The following OCA2 variants were observed in gnomAD, a reference collection of about 807,000 sequenced individuals.
OCA2 encodes the protein OCA2 melanosomal transmembrane protein, also known as P protein.
A neutral mutation model predicts 100.2 loss-of-function variants in OCA2; 77 were observed. The ratio of observed to expected loss-of-function variants is 0.77; its 90% CI spans 0.64 to 0.93. The LOEUF is 0.93. OCA2 is among the 40% of genes least tolerant of loss of function. The pLI is 0.00. For synonymous variants in OCA2, 432 were observed against 439.2 expected (o/e 0.98, Z 0.21); for missense variants, 1,062 against 1,089.1 (o/e 0.98, Z 0.35).
chr15:28,091,513 T>C (rs2044869410), intron 1 of OCA2, among the ~76,000 whole-genome samples: 1 of 152,180 alleles, frequency 6.6e-6, no homozygotes, highest in South Asian at 2.1e-4. Context: ...GGTTCAATGT[T>C]CAAAAATCAA....
chr15:27,781,249 G>A (rs1272574524), intron 23 of OCA2, among the ~76,000 whole-genome samples: 19 of 152,160 alleles, frequency 1.2e-4, no homozygotes, highest in Admixed American at 1.2e-3. Flanking sequence ...GTGTTGGAAG[G>A]CAGCTACCAA....
chr15:27,906,505 GA>G (rs1315121637), intron 19 of OCA2, among the ~76,000 whole-genome samples: 1 of 152,110 alleles, frequency 6.6e-6, no homozygotes, highest in Non-Finnish European at 1.5e-5. Flanking sequence ...CCCGGGCAAT[GA>G]AGGAATAATA....
chr15:27,978,767 C>A (rs143225910), intron 14 of OCA2, among the ~76,000 whole-genome samples: 243 of 151,834 alleles, frequency 1.6e-3, no homozygotes, highest in Middle Eastern at 0.01. Context: ...CTCACTGCAA[C>A]CTCCATCTTC....
chr15:27,901,977 C>T (rs973103712), intron 19 of OCA2, among the ~76,000 whole-genome samples: 10 of 151,728 alleles, frequency 6.6e-5, no homozygotes, highest in South Asian at 6.3e-4. Flanking sequence ...CAGAAGGGTC[C>T]TGGCAGGGGG....
At position 28,018,541 on chromosome 15, in the gene OCA2, G is replaced by T; in HGVS notation, c.663C>A (p.Ser221Arg). The change falls in exon 7 of 24, where the codon AGC becomes AGA. Residue 221 changes from serine to arginine, a missense_variant. Physicochemically the swap from Ser to Arg is moderately radical, Grantham distance 110. Transcript: ENST00000354638. ...CCTGCAGCAGCGTGGAGTCCACGTG[G>T]CTGCTAAGGTTCACGGCTCGGAGAG... is the stretch of plus-strand genomic sequence containing the variant. ...PLENYSVNLSSHVDSTLLQVD... is the reference protein window; with the variant it reads ...PLENYSVNLSRHVDSTLLQVD... 6.2e-7 allele frequency: 1 copy of T among 1,613,474 alleles called. No homozygotes were observed. Among genetic ancestry groups the T allele is most frequent in the South Asian group, 1.1e-5 (1 of 91,028 alleles).
intron 6 of OCA2, among the ~76,000 whole-genome samples, chr15:28,019,960 T>C (rs1041962376): frequency 6.6e-6 from 1 of 152,162 alleles, no homozygotes; most frequent in Admixed American, 6.5e-5. Context: ...AGGAGCCTGC[T>C]GGAGGCTCAA....
In OCA2 at chr15:27,983,421, T is replaced by C. The variant is rs763819379; in HGVS notation, c.1427A>G (p.Asn476Ser). 4 of 1,614,044 alleles carry C rather than the reference T, an allele frequency of 2.5e-6. No individual in the cohort carries two copies. The highest frequency in any genetic ancestry group is 3.4e-6 in the Non-Finnish European group (4 of 1,180,042). ...QVLIAEVIFT[N>S]IGGAATAIGD... is the part of the protein sequence containing the mutation. ...GATGGCAGTGGCAGCTCCTCCAATG[T>C]TTGTGAAGATCACTTCTGCAATCAG... The change falls in exon 14 of 24, where the codon AAC becomes AGC. Residue 476 changes from asparagine (N) to serine (S), a missense_variant. By Grantham distance (46) the Asn-to-Ser change is conservative (BLOSUM62 1). Coordinates refer to ENST00000354638, the MANE Select transcript of OCA2 (RefSeq NM_000275.3).
At position 27,983,591 on chromosome 15, in the gene OCA2, A is replaced by G. The variant is rs372940344; in HGVS notation, c.1365-108T>C. Reference sequence around the variant, plus strand: ...GCTTGCTCGTATAAGGGAGGCGCGCACACACACACACCCCTGTGGGGAAGG... The same window carrying G: ...GCTTGCTCGTATAAGGGAGGCGCGCGCACACACACACCCCTGTGGGGAAGG... On this transcript the variant is annotated intron_variant, in intron 13 of 23. Transcript: ENST00000354638. 7.7e-5 allele frequency: 80 copies of G among 1,034,290 alleles called. 1 individual carries two copies. The highest frequency in any genetic ancestry group is 6.1e-4 in the South Asian group (47 of 76,738). The allele number at this position is 1,034,290 out of a possible 1,614,324, so 64.1% of individuals were successfully genotyped here. A position where few individuals can be genotyped will look rare whatever the true frequency, so the allele number is the denominator to read the frequency against.
chr15:27,840,308 C>G (rs2035298244), intron 23 of OCA2, among the ~76,000 whole-genome samples: 2 of 152,158 alleles, frequency 1.3e-5, no homozygotes, highest in South Asian at 4.1e-4. Context: ...TAAAACAGAA[C>G]TAGATGAATC....
chr15:27,967,711 G>A (rs539922450), intron 14 of OCA2, among the ~76,000 whole-genome samples: 50 of 152,332 alleles, frequency 3.3e-4, no homozygotes, highest in Admixed American at 9.8e-4. Context: ...TCTCCTTCCC[G>A]GCACGCTTCC....
intron 2 of OCA2, among the ~76,000 whole-genome samples, chr15:28,042,842 T>G (rs915459269): frequency 6.6e-6 from 1 of 152,132 alleles, no homozygotes; most frequent in Non-Finnish European, 1.5e-5. Context: ...GAAAAGTTTT[T>G]TCACTTTCTC....
intron 2 of OCA2, among the ~76,000 whole-genome samples, chr15:28,046,644 G>A (rs1359570812): frequency 6.6e-6 from 1 of 152,178 alleles, no homozygotes; most frequent in African/African-American, 2.4e-5. Context: ...GGGAAAGGAG[G>A]GAAGGGGCAA....
intron 22 of OCA2, among the ~76,000 whole-genome samples, chr15:27,848,329 T>A (rs1308755392): frequency 6.6e-6 from 1 of 152,240 alleles, no homozygotes; most frequent in Non-Finnish European, 1.5e-5. Flanking sequence ...GTTGTGGGGT[T>A]CACATGAGAT....
At chr15:27,861,933 G>A (rs997701770) in intron 21 of OCA2, among the ~76,000 whole-genome samples, 12 of 152,160 alleles carry the variant, frequency 7.9e-5, no homozygotes, top group Non-Finnish European at 1.5e-4. Flanking sequence ...ACCGGTCTTC[G>A]TTGGGAGCCA....
intron 9 of OCA2, among the ~76,000 whole-genome samples, chr15:28,008,206 C>T (rs972214013): frequency 1.2e-4 from 19 of 152,342 alleles, no homozygotes; most frequent in Admixed American, 1.2e-3. Context: ...ACTTCCTCCC[C>T]ATCTCATTAG....
chr15:27,945,636 G>A (rs973172404), intron 18 of OCA2, among the ~76,000 whole-genome samples: 3 of 152,124 alleles, frequency 2.0e-5, no homozygotes, highest in Admixed American at 1.3e-4. Context: ...TTTATTTGTA[G>A]CTAAAAATAC....
chr15:27,927,734 T>C (rs1223530402), intron 18 of OCA2, among the ~76,000 whole-genome samples: 1 of 151,982 alleles, frequency 6.6e-6, no homozygotes, highest in Non-Finnish European at 1.5e-5. Flanking sequence ...TAGTGGGATC[T>C]TACTGTGGTT....
At chr15:28,066,120 C>A (rs2044015927) in intron 2 of OCA2, among the ~76,000 whole-genome samples, 1 of 152,160 alleles carries the variant, frequency 6.6e-6, no homozygotes, top group African/African-American at 2.4e-5. Context: ...TATGTACCAA[C>A]ACTGAACAAA....
At chr15:28,022,618 G>C in intron 5 of OCA2, 45 bp from the exon 6 acceptor site, 1 of 1,395,412 alleles carries the variant, frequency 7.2e-7, no homozygotes, top group African/African-American at 1.4e-5. Flanking sequence ...TGGTATGAGA[G>C]CAGTAAGGTA....
Sources: allele counts gnomAD v4.1 joint callset (sites outside exome capture counted in the v4.1 genomes callset), GRCh38; gene constraint gnomAD v4.1.1; transcripts MANE v1.5; gene names NCBI Gene and HGNC (gene_info 2026-07-23, HGNC 2026-07-21).